The following ATP13A3 variants were observed in gnomAD, a reference collection of about 807,000 sequenced individuals.
ATP13A3 encodes the protein polyamine-transporting ATPase 13A3.
In ATP13A3, 59 loss-of-function variants were observed where a neutral mutation model predicts 158.1. The ratio of observed to expected loss-of-function variants is 0.37; its 90% CI spans 0.30 to 0.46. The LOEUF is 0.46. Ranked by LOEUF, ATP13A3 falls within the 20% of genes least tolerant of loss-of-function variation. The pLI is 1.00. For synonymous variants in ATP13A3, 491 were observed against 504.3 expected (o/e 0.97, Z 0.35); for missense variants, 1,166 against 1,525.2 (o/e 0.76, Z 3.92).
chr3:194,454,573 A>C (rs945980090), intron 8 of ATP13A3, among the ~76,000 whole-genome samples, 181 bp from the exon 9 acceptor site: 2 of 152,210 alleles, frequency 1.3e-5, no homozygotes, highest in South Asian at 4.1e-4. Flanking sequence ...TCACGCCTGT[A>C]ATCCCAGCAC....
At chr3:194,473,876 T>C (rs940380485) in intron 2 of ATP13A3, among the ~76,000 whole-genome samples, 1 of 152,164 alleles carries the variant, frequency 6.6e-6, no homozygotes, top group Non-Finnish European at 1.5e-5. Flanking sequence ...CTATGTAATA[T>C]ATAAAAACAG....
rs1714718481 is a variant in ATP13A3 at position 194,403,066 on chromosome 3, T to C, written c.*2853A>G. ...AAACCTATTTTTAGATATGTCAAAA[T>C]TGCATGCATGAATATTTTCTAAAGC... On this transcript the variant is annotated 3_prime_UTR_variant, in exon 34 of 34. Transcript: ENST00000645319. The C allele has an allele frequency of 6.6e-6, 1 of 152,222 alleles. No individual in the cohort carries two copies. The highest frequency in any genetic ancestry group is 2.4e-5 in the African/African-American group (1 of 41,458). 9.4% of individuals were successfully genotyped at this position (152,222 alleles called of 1,614,324 possible). A position where few individuals can be genotyped will look rare whatever the true frequency, so the allele number is the denominator to read the frequency against.
rs1268967857 is a variant in ATP13A3, at chr3:194,454,212, C to A, written c.765+46G>T. On this transcript the variant is annotated intron_variant, in intron 9 of 33. Coordinates refer to ENST00000645319, the MANE Select transcript of ATP13A3 (RefSeq NM_001367549.1). ...ATTCTACACACATTAGATGTTACTA[C>A]AAAATACAAATACAGTTGTGAAACC... The A allele has an allele frequency of 2.6e-6, 4 of 1,526,648 alleles. No individual in the cohort carries two copies. The South Asian group carries it at 4.6e-5, about 18-fold the overall frequency. The allele number at this position is 1,526,648 out of a possible 1,614,324, so 94.6% of individuals were successfully genotyped here.
chr3:194,425,465 C>T lies in ATP13A3; in HGVS notation c.3190G>A (p.Asp1064Asn), dbSNP rs1408515540. ...SSHVDNETEL[D>N]EHNIQNYENT... The stretch of plus-strand genomic sequence containing the variant: ...TCATAATTTTGTATATTATGTTCAT[C>T]AAGTTCGGTTTCATTGTCTACGTGT... The change falls in exon 30 of 34, where the codon GAT (aspartate) becomes AAT (asparagine). Residue 1064 changes from aspartate (D) to asparagine (N), a missense_variant. Asp to Asn is a conservative substitution (Grantham distance 23). Transcript: ENST00000645319. 1 of 1,613,574 alleles carries T rather than the reference C, an allele frequency of 6.2e-7. No individual in the cohort carries two copies. Among genetic ancestry groups the T allele is most frequent in the Non-Finnish European group, 8.5e-7 (1 of 1,179,658 alleles).
Position 194,420,149 on chromosome 3 carries a change from A to G in ATP13A3, c.3314-182T>C, listed in dbSNP as rs73069196. 3,226 of 492,436 alleles carry G rather than the reference A, an allele frequency of 6.6e-3. 94 individuals carry two copies. The highest frequency in any genetic ancestry group is 0.061 in the African/African-American group (2,956 of 48,664). The allele number at this position is 492,436 out of a possible 1,614,324, so 30.5% of individuals were successfully genotyped here. A position where few individuals can be genotyped will look rare whatever the true frequency, so the allele number is the denominator to read the frequency against. Reference sequence around the variant, plus strand: ...GTATGAGACATTGTTCGGGGCACCCAAAAGATTCACATACACAACGTGATG... The same window carrying G: ...GTATGAGACATTGTTCGGGGCACCCGAAAGATTCACATACACAACGTGATG... On this transcript the variant is annotated intron_variant, in intron 30 of 33. Transcript: ENST00000645319.
chr3:194,420,901 A>G (rs768417406), intron 30 of ATP13A3, among the ~76,000 whole-genome samples: 18 of 151,100 alleles, frequency 1.2e-4, no homozygotes, highest in Non-Finnish European at 1.8e-4. Flanking sequence ...CTAAGACCAC[A>G]TACAAAAACT....
chr3:194,484,729 T>G (rs1179682441), intron 2 of ATP13A3, among the ~76,000 whole-genome samples: 1 of 152,166 alleles, frequency 6.6e-6, no homozygotes, highest in Non-Finnish European at 1.5e-5. Flanking sequence ...GCGGATTCTG[T>G]GTGTTGTATA....
chr3:194,417,396 G>GACACAC (rs56119734), intron 31 of ATP13A3, among the ~76,000 whole-genome samples: 20,096 of 117,796 alleles, frequency 0.17, 2,089 homozygotes, highest in East Asian at 0.21. Context: ...GCCAGATTCT[G>GACACAC]ACACACACAC....
chr3:194,449,084 C>T (rs1044663923), intron 11 of ATP13A3, among the ~76,000 whole-genome samples: 4 of 135,688 alleles, frequency 2.9e-5, no homozygotes, highest in South Asian at 4.8e-4. Flanking sequence ...CACACACACA[C>T]ACACACAGAA....
intron 7 of ATP13A3, among the ~76,000 whole-genome samples, chr3:194,456,212 G>A (rs1316470190): frequency 2.0e-5 from 3 of 151,808 alleles, no homozygotes. Flanking sequence ...TTTCCCACTA[G>A]TCTATAATAC....
At chr3:194,467,011 A>G (rs545205730) in intron 2 of ATP13A3, among the ~76,000 whole-genome samples, 1 of 152,276 alleles carries the variant, frequency 6.6e-6, no homozygotes, top group South Asian at 2.1e-4. Context: ...CATAAACTCA[A>G]TTCACCAAAC....
In ATP13A3 at chr3:194,403,970, A is replaced by C. The variant is rs1401948983; in HGVS notation, c.*1949T>G. On this transcript the variant is annotated 3_prime_UTR_variant, in exon 34 of 34. Coordinates refer to ENST00000645319, the MANE Select transcript of ATP13A3 (RefSeq NM_001367549.1). Reference sequence around the variant, plus strand: ...TATGATCATGCTCTTAAAGATGTTAAATACAATCGGATAATTGAATTTTTA... The same window carrying C: ...TATGATCATGCTCTTAAAGATGTTACATACAATCGGATAATTGAATTTTTA... 5.4e-6 allele frequency: 2 copies of C among 368,244 alleles called. No homozygotes were observed. Among genetic ancestry groups the C allele is most frequent in the Non-Finnish European group, 1.1e-5 (2 of 188,768 alleles). 22.8% of individuals were successfully genotyped at this position (368,244 alleles called of 1,614,324 possible). A position where few individuals can be genotyped will look rare whatever the true frequency, so the allele number is the denominator to read the frequency against.
intron 2 of ATP13A3, among the ~76,000 whole-genome samples, chr3:194,476,766 G>GTT (rs367780103): frequency 4.7e-5 from 6 of 128,710 alleles, no homozygotes; most frequent in Non-Finnish European, 3.4e-5. Context: ...GTAAGTTGTT[G>GTT]TTTTTTTTTT....
intron 2 of ATP13A3, among the ~76,000 whole-genome samples, chr3:194,463,768 T>C (rs1362276061): frequency 6.6e-6 from 1 of 152,224 alleles, no homozygotes; most frequent in African/African-American, 2.4e-5. Context: ...ATGATATAAA[T>C]TAACAGCCAA....
intron 20 of ATP13A3, among the ~76,000 whole-genome samples, chr3:194,436,680 C>A (rs948067654): frequency 6.6e-6 from 1 of 152,324 alleles, no homozygotes; most frequent in East Asian, 1.9e-4. Flanking sequence ...GGCAAAAACC[C>A]CTACTAAAAA....
chr3:194,436,459 T>C (rs181225245), intron 20 of ATP13A3, among the ~76,000 whole-genome samples: 208 of 152,336 alleles, frequency 1.4e-3, no homozygotes, highest in African/African-American at 4.9e-3. Context: ...AGAAGATCAA[T>C]TGGTGAAAAT....
chr3:194,492,680 T>C (rs964661439), intron 2 of ATP13A3, among the ~76,000 whole-genome samples: 4 of 152,174 alleles, frequency 2.6e-5, no homozygotes, highest in African/African-American at 9.7e-5. Context: ...GGTCTTGAAC[T>C]CCTGACCTCA....
In ATP13A3 at chr3:194,402,735, T is replaced by G. The variant is rs1714701698; in HGVS notation, c.*3184A>C. The G allele has an allele frequency of 6.6e-6, 1 of 152,202 alleles. No individual in the cohort carries two copies. Among genetic ancestry groups the G allele is most frequent in the Non-Finnish European group, 1.5e-5 (1 of 68,036 alleles). The allele number at this position is 152,202 out of a possible 1,614,324, so 9.4% of individuals were successfully genotyped here. On this transcript the variant is annotated 3_prime_UTR_variant, in exon 34 of 34. Transcript: ENST00000645319. ...TCAATCAAAAAAGGTTTCATAAGAT[T>G]ATTTACAATGCTGAATGTACAATTA...
intron 21 of ATP13A3, among the ~76,000 whole-genome samples, chr3:194,432,456 G>A (rs890670602): frequency 1.3e-5 from 2 of 152,152 alleles, no homozygotes; most frequent in African/African-American, 2.4e-5. Flanking sequence ...AAGGTTTGTG[G>A]ATCCCACTGC....
Sources: allele counts gnomAD v4.1 joint callset (sites outside exome capture counted in the v4.1 genomes callset), GRCh38; gene constraint gnomAD v4.1.1; transcripts MANE v1.5; gene names NCBI Gene and HGNC (gene_info 2026-07-23, HGNC 2026-07-21).